Variants in LARGE1 observed in about 807,000 individuals in gnomAD.
LARGE1 encodes the protein xylosyl- and glucuronyltransferase LARGE1.
A neutral mutation model predicts 87.6 loss-of-function variants in LARGE1; 43 were observed. The observed-to-expected ratio is 0.49, with a 90% CI of 0.38 to 0.63. The LOEUF is 0.63. Ranked by LOEUF, LARGE1 falls within the 30% of genes least tolerant of loss-of-function variation. LARGE1 has a pLI of 0.00. For synonymous variants in LARGE1, 434 were observed against 394.6 expected (o/e 1.10, Z -1.18); for missense variants, 802 against 1,000.2 (o/e 0.80, Z 2.67).
intron 11 of LARGE1, among the ~76,000 whole-genome samples, chr22:33,307,850 C>T (rs1170299015): frequency 1.3e-5 from 2 of 151,652 alleles, no homozygotes; most frequent in African/African-American, 4.8e-5. Flanking sequence ...CTCACTGCAA[C>T]CTCTACCTCC....
At chr22:33,544,885 G>A (rs899841277) in intron 6 of LARGE1, among the ~76,000 whole-genome samples, 2 of 151,174 alleles carry the variant, frequency 1.3e-5, no homozygotes, top group African/African-American at 2.4e-5. Context: ...TTCAGCCAGG[G>A]ATGAGATCAA....
intron 9 of LARGE1, among the ~76,000 whole-genome samples, chr22:33,339,191 A>G (rs1938862325): frequency 6.7e-6 from 1 of 150,172 alleles, no homozygotes; most frequent in South Asian, 2.1e-4. Context: ...AAGAAATGAG[A>G]GCTGAAGAAT....
intron 2 of LARGE1, among the ~76,000 whole-genome samples, chr22:33,700,592 G>C (rs1032401926): frequency 3.3e-5 from 5 of 152,290 alleles, no homozygotes; most frequent in African/African-American, 1.2e-4. Context: ...GAATTTTATA[G>C]GTGAAGAAGC....
intron 1 of LARGE1, among the ~76,000 whole-genome samples, chr22:33,860,569 C>T (rs751026724): frequency 6.6e-6 from 1 of 152,166 alleles, no homozygotes; most frequent in Non-Finnish European, 1.5e-5. Flanking sequence ...GCAAGCATGG[C>T]CTGAGGAAAG....
chr22:33,568,565 G>A (rs189366777), intron 5 of LARGE1, among the ~76,000 whole-genome samples: 5 of 152,142 alleles, frequency 3.3e-5, no homozygotes, highest in Admixed American at 1.3e-4. Flanking sequence ...TTGGGAGTTC[G>A]AGACCAGCCT....
intron 6 of LARGE1, among the ~76,000 whole-genome samples, chr22:33,487,898 ATTG>A (rs1335569157): frequency 6.6e-6 from 1 of 152,156 alleles, no homozygotes; most frequent in Admixed American, 6.5e-5. Flanking sequence ...ATATTAAATA[ATTG>A]TTATCATTTA....
At chr22:33,748,024 CAAAAA>C (rs535230421) in intron 2 of LARGE1, among the ~76,000 whole-genome samples, 5 of 21,724 alleles carry the variant, frequency 2.3e-4, no homozygotes, top group Non-Finnish European at 4.9e-4. Context: ...TCTGCTGGAG[CAAAAA>C]AAAAAAAAAA....
At chr22:33,682,508 T>G (rs1257337143) in intron 2 of LARGE1, among the ~76,000 whole-genome samples, 2 of 152,226 alleles carry the variant, frequency 1.3e-5, no homozygotes, top group African/African-American at 4.8e-5. Flanking sequence ...TCATCATAAA[T>G]CCATGAGAAA....
At chr22:33,859,051 G>A (rs1453909443) in intron 1 of LARGE1, among the ~76,000 whole-genome samples, 1 of 151,236 alleles carries the variant, frequency 6.6e-6, no homozygotes, top group East Asian at 1.9e-4. Flanking sequence ...GGGGTCGGGG[G>A]CTAGGGGAGG....
intron 6 of LARGE1, among the ~76,000 whole-genome samples, chr22:33,457,081 T>C (rs1280565797): frequency 6.6e-6 from 1 of 152,150 alleles, no homozygotes; most frequent in African/African-American, 2.4e-5. Flanking sequence ...AGGACAAACA[T>C]ACTTAAGAAT....
intron 6 of LARGE1, among the ~76,000 whole-genome samples, chr22:33,561,239 C>A (rs1383297460): frequency 6.6e-6 from 1 of 152,184 alleles, no homozygotes; most frequent in Non-Finnish European, 1.5e-5. Context: ...CCAGCTCCAC[C>A]ATTGTAATGG....
chr22:33,537,561 GGTTTATTT>G, intron 6 of LARGE1, among the ~76,000 whole-genome samples: 1 of 152,056 alleles, frequency 6.6e-6, no homozygotes, highest in African/African-American at 2.4e-5. Context: ...TGCTATACAG[GGTTTATTT>G]GTTTATTTGT....
chr22:33,095,484 C>T, the LARGE1 span, among the ~76,000 whole-genome samples: 9 of 152,248 alleles, frequency 5.9e-5, no homozygotes, highest in South Asian at 2.1e-4. Flanking sequence ...TGATTATATA[C>T]GCAGAGACCC....
intron 2 of LARGE1, among the ~76,000 whole-genome samples, chr22:33,714,299 A>T (rs1337847612): frequency 6.6e-6 from 1 of 152,156 alleles, no homozygotes; most frequent in Non-Finnish European, 1.5e-5. Context: ...CACATTCAAG[A>T]GCATGGCAAT....
At chr22:33,118,580 T>A in the LARGE1 span, among the ~76,000 whole-genome samples, 1 of 151,884 alleles carries the variant, frequency 6.6e-6, no homozygotes, top group Non-Finnish European at 1.5e-5. Context: ...CCACCCACAG[T>A]ATCTCATTAC....
At chr22:33,489,730 C>T (rs973525784) in intron 6 of LARGE1, among the ~76,000 whole-genome samples, 7 of 152,110 alleles carry the variant, frequency 4.6e-5, no homozygotes, top group African/African-American at 1.7e-4. Context: ...TACCCAGTCT[C>T]GGGTGTGTCG....
chr22:33,805,793 A>C (rs1422750826), intron 1 of LARGE1, among the ~76,000 whole-genome samples: 1 of 152,006 alleles, frequency 6.6e-6, no homozygotes, highest in South Asian at 2.1e-4. Context: ...ATAAAATAAC[A>C]ACCATCATTA....
chr22:33,574,540 A>G (rs1251008861), intron 5 of LARGE1, among the ~76,000 whole-genome samples: 7 of 152,054 alleles, frequency 4.6e-5, no homozygotes, highest in Non-Finnish European at 7.4e-5. Context: ...AAGGGGAGTG[A>G]TAAGAAAGGA....
chr22:33,162,127 T>A (rs1293763587), downstream of LARGE1: 1 of 152,262 alleles, frequency 6.6e-6, no homozygotes, highest in Non-Finnish European at 1.5e-5. Flanking sequence ...TTTTCAGGTA[T>A]CTTTACAGTA....
Sources: gnomAD v4.1 joint callset for allele counts (sites outside exome capture counted in the v4.1 genomes callset) on GRCh38, gnomAD v4.1.1 for gene constraint, MANE v1.5 for transcripts, NCBI Gene and HGNC (gene_info 2026-07-23, HGNC 2026-07-21) for gene names.